DNAH14: variants seen among roughly 807,000 people sequenced by gnomAD.
DNAH14 encodes dynein axonemal heavy chain 14.
Under a neutral mutation model 520.9 loss-of-function variants are expected in DNAH14, and 478 were observed. The observed-to-expected ratio is 0.92, with a 90% confidence interval of 0.85 to 0.99. The LOEUF (loss-of-function observed/expected upper bound fraction) is 0.99, where lower values mean the gene tolerates loss of function less well. Among genes scored for constraint, DNAH14 ranks in the 50% least tolerant of loss-of-function variants. The probability of loss-of-function intolerance (pLI) is 0.00; values close to 1 mark genes in which losing one functional copy is unlikely to be tolerated. For missense variants in DNAH14, 4,831 were observed against 5,234.5 expected (o/e 0.92, Z 2.38); for synonymous variants, 1,581 against 1,757.2 (o/e 0.90, Z 2.51).
rs1331022794 is a variant in DNAH14 at position 225,368,001 on chromosome 1, T to G, written c.12287T>G (p.Ile4096Ser). ...RKNYGILGWN[I>S]AYKFNSSDLG... ...AATTACGGAATATTGGGCTGGAATA[T>G]TGCTTATAAATTTAATTCTTCAGAC... The change falls in exon 77 of 86, where the codon ATT becomes AGT. Residue 4096 changes from isoleucine (I) to serine (S), a missense_variant. By Grantham distance (142) the Ile-to-Ser change is moderately radical. Coordinates refer to ENST00000682510, the MANE Select transcript of DNAH14 (RefSeq NM_001367479.1). 3 of 1,550,076 alleles carry G rather than the reference T, an allele frequency of 1.9e-6. No homozygotes were observed. Among genetic ancestry groups the G allele is most frequent in the Non-Finnish European group, 1.7e-6 (2 of 1,146,696 alleles).
intron 41 of DNAH14, 36 bp downstream of exon 41, chr1:225,207,256 T>C (rs1360197518): frequency 6.9e-7 from 1 of 1,440,994 alleles, no homozygotes; most frequent in Non-Finnish European, 9.1e-7. Context: ...CAATGATATA[T>C]CTTAGCTAGT....
intron 69 of DNAH14, among the ~76,000 whole-genome samples, chr1:225,345,734 T>C (rs531005269): frequency 6.6e-6 from 1 of 152,210 alleles, no homozygotes; most frequent in South Asian, 2.1e-4. Context: ...TAAAGTAATA[T>C]AAAGAAGAGA....
chr1:224,978,799 C>A (rs986577825), intron 8 of DNAH14, among the ~76,000 whole-genome samples: 8 of 151,952 alleles, frequency 5.3e-5, no homozygotes, highest in Non-Finnish European at 8.8e-5. Context: ...CCACCATGCC[C>A]AGCTATTTTT....
intron 17 of DNAH14, among the ~76,000 whole-genome samples, chr1:225,071,175 T>A (rs1057253955): frequency 2.0e-5 from 3 of 152,186 alleles, no homozygotes; most frequent in Admixed American, 6.5e-5. Context: ...ACTTAGTCCG[T>A]TTACATTTAA....
intron 41 of DNAH14, among the ~76,000 whole-genome samples, chr1:225,229,165 C>T (rs1274373036): frequency 6.6e-6 from 1 of 152,198 alleles, no homozygotes; most frequent in African/African-American, 2.4e-5. Flanking sequence ...CTCTCATCTG[C>T]AGTGCTGAGC....
rs74146615 is a variant in DNAH14 at position 225,042,723 on chromosome 1, C to T, written c.1489-112C>T. 9,720 of 1,152,920 alleles carry T rather than the reference C, an allele frequency of 8.4e-3. 241 individuals are homozygous for T. The highest frequency in any genetic ancestry group is 0.077 in the African/African-American group (4,947 of 64,238). The allele number at this position is 1,152,920 out of a possible 1,614,324, so 71.4% of individuals were successfully genotyped here. A position where few individuals can be genotyped will look rare whatever the true frequency, so the allele number is the denominator to read the frequency against. On this transcript the variant is annotated intron_variant, in intron 12 of 85. Transcript: ENST00000682510. ...AGGTATTTGGTAATACAGTGTTACT[C>T]GGTTATACTGGAGTTATGATTTCTC... is the stretch of plus-strand genomic sequence containing the variant.
At chr1:225,144,679 C>A (rs1007853805) in intron 29 of DNAH14, 51 bp downstream of exon 29, 5 of 1,422,094 alleles carry the variant, frequency 3.5e-6, no homozygotes, top group Non-Finnish European at 4.8e-6. Flanking sequence ...TTCTGTCACA[C>A]AAACTTTGAT....
intron 81 of DNAH14, among the ~76,000 whole-genome samples, chr1:225,384,116 T>A (rs2095811704): frequency 6.6e-6 from 1 of 152,220 alleles, no homozygotes; most frequent in African/African-American, 2.4e-5. Context: ...TTGTTACAAT[T>A]TCTGTTCTTT....
chr1:225,215,521 A>G (rs1475516065), intron 41 of DNAH14, among the ~76,000 whole-genome samples: 1 of 152,160 alleles, frequency 6.6e-6, no homozygotes, highest in Non-Finnish European at 1.5e-5. Context: ...AAAGTTTCCC[A>G]GTATTATTCT....
At position 224,967,438 on chromosome 1, in the gene DNAH14, T is replaced by A; in HGVS notation, c.506T>A (p.Leu169Ter). The change falls in exon 6 of 86, where the codon TTG (leucine) becomes TAG (stop). Residue 169 changes from leucine (L) to a stop codon, truncating the protein, a stop_gained. Transcript: ENST00000682510. LOFTEE classifies it high-confidence loss of function. ...TTTTTTTTTTAATCTCAGAAACCTT[T>A]GGAAGATGATGGAGAATTTGTTTAT... ...AIQKITLKKPLEDDGEFVYCL... is the reference protein window; with the variant it reads ...AIQKITLKKP 2 of 1,546,936 alleles carry A rather than the reference T, an allele frequency of 1.3e-6. No individual in the cohort carries two copies. The highest frequency in any genetic ancestry group is 1.3e-5 in the South Asian group (1 of 77,284).
At chr1:225,102,221 C>T in intron 23 of DNAH14, among the ~76,000 whole-genome samples, 1 of 151,994 alleles carries the variant, frequency 6.6e-6, no homozygotes, top group African/African-American at 2.4e-5. Flanking sequence ...GACATGAACT[C>T]ATCATTTTTT....
rs1483781290 is a variant in DNAH14, at chr1:224,996,953, T to C, written c.831-5830T>C. 2.0e-5 allele frequency among the ~76,000 whole-genome samples: 3 copies of C among 152,124 alleles called. No homozygotes were observed. The East Asian group carries it at 5.8e-4, about 29-fold the overall frequency. On this transcript the variant is annotated intron_variant, in intron 8 of 85. Coordinates refer to ENST00000682510, the MANE Select transcript of DNAH14 (RefSeq NM_001367479.1). ...TTGCGCTGTGGTGGGTATTTCTCTC[T>C]CTGTGGGGTGTGGGGGCAGGGTCTG...
intron 7 of DNAH14, among the ~76,000 whole-genome samples, chr1:224,972,311 T>A (rs1336726666): frequency 6.6e-6 from 1 of 152,126 alleles, no homozygotes; most frequent in Non-Finnish European, 1.5e-5. Context: ...TATTTATTTA[T>A]TATTTTTTTT....
intron 11 of DNAH14, among the ~76,000 whole-genome samples, chr1:225,027,462 A>G (rs1209734564): frequency 6.6e-6 from 1 of 152,114 alleles, no homozygotes; most frequent in Non-Finnish European, 1.5e-5. Context: ...GTCATAAAAA[A>G]CTACCTGAGA....
chr1:225,155,756 C>T (rs901021285), intron 34 of DNAH14, among the ~76,000 whole-genome samples: 1 of 152,144 alleles, frequency 6.6e-6, no homozygotes, highest in Non-Finnish European at 1.5e-5. Flanking sequence ...AAGCAGCTCC[C>T]TTCTCTCTAG....
At chr1:225,262,600 G>T (rs1296654535) in intron 46 of DNAH14, among the ~76,000 whole-genome samples, 1 of 151,938 alleles carries the variant, frequency 6.6e-6, no homozygotes, top group South Asian at 2.1e-4. Flanking sequence ...TTTGAATAGA[G>T]TGTATTTCCC....
intron 23 of DNAH14, among the ~76,000 whole-genome samples, chr1:225,103,865 A>C (rs938040334): frequency 2.6e-5 from 4 of 152,038 alleles, no homozygotes; most frequent in Non-Finnish European, 5.9e-5. Flanking sequence ...CTCTTTTCCT[A>C]ATTGAATACC....
chr1:225,134,167 G>A (rs148367222), intron 27 of DNAH14, among the ~76,000 whole-genome samples: 5 of 152,248 alleles, frequency 3.3e-5, no homozygotes, highest in Non-Finnish European at 7.4e-5. Flanking sequence ...CATGCCATGT[G>A]CAAATAAAGA....
At chr1:224,990,646 A>T (rs1292104004) in intron 8 of DNAH14, among the ~76,000 whole-genome samples, 1 of 152,162 alleles carries the variant, frequency 6.6e-6, no homozygotes, top group Non-Finnish European at 1.5e-5. Context: ...TTTCTTTCTG[A>T]ATAGTATTCC....
Sources: gnomAD v4.1 joint callset for allele counts (sites outside exome capture counted in the v4.1 genomes callset) on GRCh38, gnomAD v4.1.1 for gene constraint, MANE v1.5 for transcripts, NCBI Gene and HGNC (gene_info 2026-07-23, HGNC 2026-07-21) for gene names.